ACVR1: variants seen among roughly 807,000 people sequenced by gnomAD.
The protein encoded by ACVR1 is activin A receptor type 1, also known as activin receptor type-1.
In ACVR1, 38 loss-of-function variants were observed where a neutral mutation model predicts 57.1. That is an observed-to-expected ratio of 0.67 (90% CI 0.51 to 0.87). The LOEUF is 0.87. Ranked by LOEUF, ACVR1 falls within the 40% of genes least tolerant of loss-of-function variation. ACVR1 has a pLI of 0.00. For missense variants in ACVR1, 463 were observed against 638.2 expected (o/e 0.73, Z 2.96); for synonymous variants, 212 against 228.1 (o/e 0.93, Z 0.63).
chr2:157,754,572 C>G (rs1211304100), intron 9 of ACVR1, among the ~76,000 whole-genome samples: 1 of 152,018 alleles, frequency 6.6e-6, no homozygotes, highest in African/African-American at 2.4e-5. Flanking sequence ...ATTAGAAACT[C>G]TGAACAAACC....
At chr2:157,806,224 T>C (rs906269199) in intron 2 of ACVR1, among the ~76,000 whole-genome samples, 12 of 152,180 alleles carry the variant, frequency 7.9e-5, no homozygotes, top group Non-Finnish European at 1.8e-4. Flanking sequence ...GGTTATTTAA[T>C]ACACCATTCA....
At chr2:157,819,104 C>T (rs1230501699) in intron 1 of ACVR1, among the ~76,000 whole-genome samples, 4 of 126,282 alleles carry the variant, frequency 3.2e-5, no homozygotes, top group Non-Finnish European at 6.6e-5. Context: ...AAAAAAAAAA[C>T]CAGTAAGATC....
intron 7 of ACVR1, among the ~76,000 whole-genome samples, chr2:157,767,731 T>C (rs1179873700): frequency 6.6e-6 from 1 of 152,178 alleles, no homozygotes; most frequent in Non-Finnish European, 1.5e-5. Flanking sequence ...ATTTTACAGA[T>C]AATAAAGTTG....
intron 9 of ACVR1, among the ~76,000 whole-genome samples, chr2:157,746,192 T>C (rs1464419071): frequency 2.0e-5 from 3 of 152,178 alleles, no homozygotes; most frequent in Admixed American, 6.5e-5. Context: ...ATCTGCAAGC[T>C]CCTGGGTGGC....
chr2:157,836,935 A>G (rs1299284190), intron 1 of ACVR1, among the ~76,000 whole-genome samples: 2 of 152,194 alleles, frequency 1.3e-5, no homozygotes, highest in East Asian at 3.8e-4. Context: ...TACCAGATGA[A>G]TTGGTTCATA....
At chr2:157,853,090 A>C (rs1476655451) in intron 1 of ACVR1, among the ~76,000 whole-genome samples, 1 of 152,230 alleles carries the variant, frequency 6.6e-6, no homozygotes, top group African/African-American at 2.4e-5. Context: ...TTTTAAATCA[A>C]AATAGAGTAG....
chr2:157,805,170 T>C (rs1687471760), intron 2 of ACVR1, among the ~76,000 whole-genome samples: 1 of 152,226 alleles, frequency 6.6e-6, no homozygotes, highest in South Asian at 2.1e-4. Flanking sequence ...AACTATAATA[T>C]TGAGGATGAG....
chr2:157,830,508 T>A (rs560066890), intron 1 of ACVR1, among the ~76,000 whole-genome samples: 1 of 152,120 alleles, frequency 6.6e-6, no homozygotes, highest in African/African-American at 2.4e-5. Context: ...AGACAATGTG[T>A]AAACTAAGTG....
intron 5 of ACVR1, among the ~76,000 whole-genome samples, chr2:157,777,800 A>G (rs1174487389): frequency 6.6e-6 from 1 of 152,260 alleles, no homozygotes; most frequent in Non-Finnish European, 1.5e-5. Flanking sequence ...GGCTAAAAAT[A>G]GAGTAACTGA....
chr2:157,810,977 C>G (rs1314236552), intron 2 of ACVR1, among the ~76,000 whole-genome samples: 1 of 152,132 alleles, frequency 6.6e-6, no homozygotes, highest in African/African-American at 2.4e-5. Flanking sequence ...CAAGCCTCAC[C>G]CCCTAGAGAT....
At chr2:157,737,861 C>T (rs1684595934) in intron 10 of ACVR1, among the ~76,000 whole-genome samples, 196 bp from the exon 11 acceptor site, 1 of 152,234 alleles carries the variant, frequency 6.6e-6, no homozygotes. Flanking sequence ...ATTTCATGAA[C>T]TCTGTCCTTT....
At chr2:157,784,655 G>GT (rs1338943241) in intron 3 of ACVR1, among the ~76,000 whole-genome samples, 1 of 152,242 alleles carries the variant, frequency 6.6e-6, no homozygotes, top group African/African-American at 2.4e-5. Flanking sequence ...ACAGCAGGGA[G>GT]TTCTGACCAC....
At chr2:157,794,885 C>CA (rs34984648) in intron 3 of ACVR1, among the ~76,000 whole-genome samples, 4,760 of 138,716 alleles carry the variant, frequency 0.034, 100 homozygotes, top group African/African-American at 0.056. Context: ...CAAACTCTAC[C>CA]AAAAAAAAAA....
At chr2:157,807,563 A>ATT (rs914195480) in intron 2 of ACVR1, among the ~76,000 whole-genome samples, 78 of 141,038 alleles carry the variant, frequency 5.5e-4, no homozygotes, top group African/African-American at 1.9e-3. Context: ...TGACTGGACC[A>ATT]TTTTTTTTTT....
At chr2:157,758,425 C>T (rs191304092) in intron 9 of ACVR1, among the ~76,000 whole-genome samples, 5 of 151,992 alleles carry the variant, frequency 3.3e-5, no homozygotes, top group Admixed American at 6.6e-5. Context: ...TTGTTGTTCA[C>T]GTGTGGTTGA....
chr2:157,855,654 G>A (rs950754581), intron 1 of ACVR1, among the ~76,000 whole-genome samples: 7 of 152,186 alleles, frequency 4.6e-5, no homozygotes, highest in South Asian at 2.1e-4. Flanking sequence ...CAGCAACACC[G>A]TGAGTGGTCT....
intron 1 of ACVR1, among the ~76,000 whole-genome samples, chr2:157,861,022 T>C (rs912344677): frequency 6.6e-6 from 1 of 152,174 alleles, no homozygotes; most frequent in African/African-American, 2.4e-5. Flanking sequence ...AAGGTTGCTG[T>C]CTCTACTGAA....
At chr2:157,782,725 T>C (rs764534891) in intron 3 of ACVR1, among the ~76,000 whole-genome samples, 5 of 152,178 alleles carry the variant, frequency 3.3e-5, no homozygotes, top group South Asian at 2.1e-4. Context: ...GGAGAGTTCA[T>C]GGTGTCAGAC....
At chr2:157,816,906 A>C (rs902406607) in intron 2 of ACVR1, among the ~76,000 whole-genome samples, 1 of 152,096 alleles carries the variant, frequency 6.6e-6, no homozygotes. Context: ...GTAGGTATTC[A>C]TATTACCCCC....
Sources: gnomAD v4.1 joint callset for allele counts (sites outside exome capture counted in the v4.1 genomes callset) on GRCh38, gnomAD v4.1.1 for gene constraint, MANE v1.5 for transcripts, NCBI Gene and HGNC (gene_info 2026-07-23, HGNC 2026-07-21) for gene names.